PLPPR1: variants seen among roughly 807,000 people sequenced by gnomAD.
PLPPR1 encodes the protein phospholipid phosphatase related 1.
Under a neutral mutation model 33.1 loss-of-function variants are expected in PLPPR1, and 10 were observed. The ratio of observed to expected loss-of-function variants is 0.30; its 90% CI spans 0.19 to 0.51. The LOEUF (loss-of-function observed/expected upper bound fraction) is 0.51, where lower values mean the gene tolerates loss of function less well. Ranked by LOEUF, PLPPR1 falls within the 20% of genes least tolerant of loss-of-function variation. The pLI, the probability that PLPPR1 is intolerant of heterozygous loss-of-function variation, is 0.97. For missense variants in PLPPR1, 304 were observed against 408.1 expected, an observed-to-expected ratio of 0.74 and a Z score of 2.20; for synonymous variants, 151 against 151.0, an observed-to-expected ratio of 1.00 and a Z score of 0.00.
intron 1 of PLPPR1, among the ~76,000 whole-genome samples, chr9:101,147,091 CAA>C (rs1240482128): frequency 6.6e-6 from 1 of 152,102 alleles, no homozygotes; most frequent in Non-Finnish European, 1.5e-5. Flanking sequence ...AACTTCCCTA[CAA>C]AAGAGGTCCT....
intron 1 of PLPPR1, among the ~76,000 whole-genome samples, chr9:101,145,981 A>C (rs1447597971): frequency 6.6e-6 from 1 of 152,130 alleles, no homozygotes; most frequent in African/African-American, 2.4e-5. Context: ...GCACCACTGC[A>C]TTCTAGCTTG....
intron 1 of PLPPR1, among the ~76,000 whole-genome samples, chr9:101,161,040 A>G (rs1831766275): frequency 6.6e-6 from 1 of 152,172 alleles, no homozygotes; most frequent in Non-Finnish European, 1.5e-5. Context: ...TGATTTTGAT[A>G]ATGTCATTTC....
intron 4 of PLPPR1, among the ~76,000 whole-genome samples, chr9:101,300,616 A>G (rs1828734524): frequency 1.3e-5 from 2 of 152,246 alleles, no homozygotes; most frequent in African/African-American, 4.8e-5. Flanking sequence ...GAATGGGAGT[A>G]GATTCAGATC....
At position 101,230,799 on chromosome 9, in the gene PLPPR1, A is replaced by G. The variant is rs1355113183; in HGVS notation, c.64-39081A>G. On this transcript the variant is annotated intron_variant, in intron 2 of 7. Transcript: ENST00000374874. ...GCTAGTTTCAAAATAAAAAAGAATT[A>G]AAACATCAGACTTTTAGACATTATT... Among the ~76,000 whole-genome samples, 22 of 150,618 alleles carry G rather than the reference A, an allele frequency of 1.5e-4. No individual in the cohort carries two copies. In the Admixed American group the frequency reaches 1.5e-3, roughly 10 times the overall value.
intron 7 of PLPPR1, among the ~76,000 whole-genome samples, chr9:101,318,881 T>C (rs1029511371): frequency 3.3e-5 from 5 of 151,664 alleles, no homozygotes; most frequent in African/African-American, 1.2e-4. Context: ...TGAGTAGGAG[T>C]TCTTTAAGCA....
intron 2 of PLPPR1, among the ~76,000 whole-genome samples, chr9:101,241,483 G>T (rs1827463607): frequency 6.6e-6 from 1 of 152,048 alleles, no homozygotes; most frequent in Non-Finnish European, 1.5e-5. Context: ...TTTGTGTTGG[G>T]CCACATTCAA....
intron 1 of PLPPR1, among the ~76,000 whole-genome samples, chr9:101,041,562 T>C (rs922769041): frequency 6.6e-6 from 1 of 152,192 alleles, no homozygotes; most frequent in Non-Finnish European, 1.5e-5. Context: ...TGAATGTACC[T>C]CTGGCTACTA....
intron 2 of PLPPR1, among the ~76,000 whole-genome samples, chr9:101,196,742 GTAGTCCCAGCTAC>G (rs1826401805): frequency 6.6e-6 from 1 of 152,090 alleles, no homozygotes; most frequent in African/African-American, 2.4e-5. Context: ...GCGGGTGCCT[GTAGTCCCAGCTAC>G]TTGGGAGGCT....
At chr9:101,298,462 G>A (rs551563724) in intron 4 of PLPPR1, among the ~76,000 whole-genome samples, 3 of 152,176 alleles carry the variant, frequency 2.0e-5, no homozygotes, top group South Asian at 4.2e-4. Context: ...GGCGTTTTAT[G>A]GTTTTAAGAA....
chr9:101,290,263 G>T (rs576777133), intron 4 of PLPPR1, among the ~76,000 whole-genome samples: 33 of 152,054 alleles, frequency 2.2e-4, no homozygotes, highest in Non-Finnish European at 1.5e-4. Flanking sequence ...TACATACTAC[G>T]CAATTGACAT....
intron 1 of PLPPR1, among the ~76,000 whole-genome samples, chr9:101,093,340 G>A (rs751932884): frequency 1.3e-5 from 2 of 152,058 alleles, no homozygotes; most frequent in East Asian, 1.9e-4. Flanking sequence ...AAATATGAAC[G>A]ATAAAGTAAT....
chr9:101,292,005 G>A (rs1828519225), intron 4 of PLPPR1, among the ~76,000 whole-genome samples: 1 of 152,108 alleles, frequency 6.6e-6, no homozygotes, highest in Non-Finnish European at 1.5e-5. Flanking sequence ...GCTACAGGAG[G>A]AAATTCAAAT....
intron 3 of PLPPR1, 103 bp from the exon 4 acceptor site, chr9:101,286,001 A>G (rs2118915665): frequency 1.2e-6 from 1 of 842,080 alleles, no homozygotes; most frequent in East Asian, 2.4e-5. Context: ...CATCTTTTAA[A>G]ATGATTGTGG....
chr9:101,274,262 A>T (rs1375075882), intron 3 of PLPPR1, among the ~76,000 whole-genome samples: 1 of 152,198 alleles, frequency 6.6e-6, no homozygotes, highest in African/African-American at 2.4e-5. Context: ...TTCTGCAGAC[A>T]TGGCCTAATT....
intron 4 of PLPPR1, among the ~76,000 whole-genome samples, chr9:101,293,624 A>C (rs986391562): frequency 3.9e-5 from 6 of 152,340 alleles, no homozygotes; most frequent in Admixed American, 2.0e-4. Context: ...CAGTGCAATC[A>C]AACTAGAACT....
At chr9:101,290,962 C>T (rs1024346863) in intron 4 of PLPPR1, among the ~76,000 whole-genome samples, 6 of 152,198 alleles carry the variant, frequency 3.9e-5, no homozygotes, top group Admixed American at 6.5e-5. Context: ...GCACCAAGCG[C>T]GAGCCAAAGT....
chr9:101,319,989 C>T (rs938039590), intron 7 of PLPPR1, among the ~76,000 whole-genome samples: 9 of 151,850 alleles, frequency 5.9e-5, no homozygotes, highest in Non-Finnish European at 1.2e-4. Context: ...ACTTCTTTCT[C>T]TCTTAATTCT....
At chr9:101,284,425 A>C (rs1277313904) in intron 3 of PLPPR1, among the ~76,000 whole-genome samples, 1 of 152,186 alleles carries the variant, frequency 6.6e-6, no homozygotes, top group African/African-American at 2.4e-5. Flanking sequence ...TCACAAGAGG[A>C]ATAAGTTCAA....
At chr9:101,109,134 ATTTTTTTTTTTTTTTTT>A (rs67666339) in intron 1 of PLPPR1, among the ~76,000 whole-genome samples, 1 of 99,774 alleles carries the variant, frequency 1.0e-5, no homozygotes, top group African/African-American at 3.9e-5. Flanking sequence ...AATTTTTTGT[ATTTTTTTTTTTTTTTTT>A]TTTTTTTAGT....
Sources: gnomAD v4.1 joint callset for allele counts (sites outside exome capture counted in the v4.1 genomes callset) on GRCh38, gnomAD v4.1.1 for gene constraint, MANE v1.5 for transcripts, NCBI Gene and HGNC (gene_info 2026-07-23, HGNC 2026-07-21) for gene names.